CYP7B1: variants seen among roughly 807,000 people sequenced by gnomAD.
CYP7B1 encodes the protein cytochrome P450 7B1.
CYP7B1 carries 29 observed loss-of-function variants against 42.7 expected under a neutral mutation model. The observed-to-expected ratio is 0.68, with a 90% CI of 0.51 to 0.93. The LOEUF is 0.93. CYP7B1 is among the 40% of genes least tolerant of loss of function. CYP7B1 has a pLI of 0.00. For synonymous variants in CYP7B1, 235 were observed against 218.2 expected (o/e 1.08, Z -0.68); for missense variants, 655 against 600.5 (o/e 1.09, Z -0.95).
At chr8:64,750,077 C>T (rs1002434900) in intron 1 of CYP7B1, among the ~76,000 whole-genome samples, 1 of 152,170 alleles carries the variant, frequency 6.6e-6, no homozygotes, top group Non-Finnish European at 1.5e-5. Context: ...TGTAATGATA[C>T]TCCAGGAAAA....
intron 1 of CYP7B1, among the ~76,000 whole-genome samples, chr8:64,738,474 C>T (rs1464744507): frequency 6.6e-6 from 1 of 151,986 alleles, no homozygotes; most frequent in African/African-American, 2.4e-5. Flanking sequence ...AGTGTTTGAT[C>T]ACTGATTTAA....
chr8:64,755,877 G>T (rs573121635), intron 1 of CYP7B1, among the ~76,000 whole-genome samples: 9 of 152,200 alleles, frequency 5.9e-5, no homozygotes, highest in African/African-American at 2.2e-4. Flanking sequence ...TCACTTAATT[G>T]GAATTCTAAG....
intron 1 of CYP7B1, among the ~76,000 whole-genome samples, chr8:64,788,828 T>C (rs1405308063): frequency 6.6e-6 from 1 of 152,214 alleles, no homozygotes; most frequent in Non-Finnish European, 1.5e-5. Flanking sequence ...CTGTAGAATA[T>C]ACAGTGTCTT....
chr8:64,620,442 G>T (rs988453118), intron 2 of CYP7B1, among the ~76,000 whole-genome samples: 1 of 152,112 alleles, frequency 6.6e-6, no homozygotes, highest in Non-Finnish European at 1.5e-5. Context: ...TAGGGAAAAC[G>T]ATTCCACTGC....
At position 64,727,585 on chromosome 8, in the gene CYP7B1, A is replaced by G. The variant is rs551780006; in HGVS notation, c.122+70881T>C. Among the ~76,000 whole-genome samples the G allele has an allele frequency of 2.6e-3, 390 of 152,350 alleles. 1 individual carries two copies. Among genetic ancestry groups the G allele is most frequent in the Non-Finnish European group, 4.3e-3 (290 of 68,026 alleles). ...GCCACCGCATCTGTCCCAGTACTGC[A>G]TTCTTCTAAACTGAAAAGGACTATA... On this transcript the variant is annotated intron_variant, in intron 1 of 5. Coordinates refer to ENST00000310193, the MANE Select transcript of CYP7B1 (RefSeq NM_004820.5).
At chr8:64,657,163 A>G (rs1806133079) in intron 1 of CYP7B1, among the ~76,000 whole-genome samples, 1 of 152,106 alleles carries the variant, frequency 6.6e-6, no homozygotes, top group Admixed American at 6.5e-5. Flanking sequence ...AAGCAGATAA[A>G]ACAAGTATCT....
intron 1 of CYP7B1, among the ~76,000 whole-genome samples, chr8:64,652,364 G>A (rs13251754): frequency 0.11 from 16,279 of 152,116 alleles, 1,152 homozygotes; most frequent in Non-Finnish European, 0.16. Context: ...AAAAACAACA[G>A]AATATACATT....
chr8:64,737,655 A>G (rs1171824003), intron 1 of CYP7B1, among the ~76,000 whole-genome samples: 1 of 152,152 alleles, frequency 6.6e-6, no homozygotes, highest in Admixed American at 6.5e-5. Flanking sequence ...TTGCCTGAAA[A>G]TATACCTCCT....
intron 1 of CYP7B1, among the ~76,000 whole-genome samples, chr8:64,738,978 C>A (rs545682794): frequency 1.1e-4 from 16 of 152,300 alleles, no homozygotes; most frequent in African/African-American, 3.9e-4. Context: ...AGGAACCCTG[C>A]CATGTTCTCA....
downstream of CYP7B1, among the ~76,000 whole-genome samples, chr8:64,590,319 A>G (rs1805017417): frequency 1.3e-5 from 2 of 152,242 alleles, no homozygotes; most frequent in East Asian, 3.8e-4. Flanking sequence ...TACTGTACGT[A>G]GGGTTACTAA....
chr8:64,602,880 T>A (rs1348764485), intron 5 of CYP7B1, among the ~76,000 whole-genome samples: 2 of 152,240 alleles, frequency 1.3e-5, no homozygotes, highest in African/African-American at 4.8e-5. Context: ...AGAAAATGTT[T>A]ATACAATGAA....
chr8:64,647,677 A>G (rs1209797640), intron 1 of CYP7B1, among the ~76,000 whole-genome samples: 1 of 152,168 alleles, frequency 6.6e-6, no homozygotes, highest in Admixed American at 6.5e-5. Context: ...GCAATGTCCC[A>G]GCTGAAACAG....
At chr8:64,604,557 T>A in intron 5 of CYP7B1, 125 bp downstream of exon 5, 1 of 951,060 alleles carries the variant, frequency 1.1e-6, no homozygotes, top group Non-Finnish European at 1.7e-6. Context: ...GGAGGAATAA[T>A]AGAAGCCATC....
rs1238512842 is a variant in CYP7B1 at position 64,693,665 on chromosome 8, T to C, written c.123-69126A>G. On this transcript the variant is annotated intron_variant, in intron 1 of 5. Transcript: ENST00000310193. ...GGTGAGAAAGGACCATAAAATGGAATGGATTAACAATGAACTTAGAAGGTA... is the reference window on the plus strand; with the variant it reads ...GGTGAGAAAGGACCATAAAATGGAACGGATTAACAATGAACTTAGAAGGTA... 2.6e-5 allele frequency among the ~76,000 whole-genome samples: 4 copies of C among 152,168 alleles called. No individual in the cohort carries two copies. The East Asian group carries it at 7.7e-4, about 29-fold the overall frequency.
intron 1 of CYP7B1, among the ~76,000 whole-genome samples, chr8:64,792,032 T>TG (rs1375460128): frequency 6.6e-6 from 1 of 152,310 alleles, no homozygotes; most frequent in East Asian, 1.9e-4. Flanking sequence ...TTAAAGGCAC[T>TG]GCTGGTGAAG....
intron 2 of CYP7B1, among the ~76,000 whole-genome samples, chr8:64,620,474 G>A (rs921085227): frequency 6.6e-6 from 1 of 152,150 alleles, no homozygotes; most frequent in African/African-American, 2.4e-5. Flanking sequence ...AAACCAATTA[G>A]AGAACTATTT....
intron 1 of CYP7B1, among the ~76,000 whole-genome samples, chr8:64,642,676 A>T (rs1805875460): frequency 6.6e-6 from 1 of 152,196 alleles, no homozygotes; most frequent in African/African-American, 2.4e-5. Context: ...TTGAATATCC[A>T]AATTATGGTC....
chr8:64,680,518 G>T (rs552533289), intron 1 of CYP7B1, among the ~76,000 whole-genome samples: 34 of 151,822 alleles, frequency 2.2e-4, no homozygotes, highest in African/African-American at 6.8e-4. Context: ...TGGCACTGAG[G>T]CATTGTTTCA....
rs755927858 is a variant in CYP7B1, at chr8:64,702,549, A to G, written c.123-78010T>C. On this transcript the variant is annotated intron_variant, in intron 1 of 5. Coordinates refer to ENST00000310193, the MANE Select transcript of CYP7B1 (RefSeq NM_004820.5). Reference sequence around the variant, plus strand: ...ACTTTGATAACACCAGAAACACATTATGTAGTAAAGTAACCTCCAGGAACC... The same window carrying G: ...ACTTTGATAACACCAGAAACACATTGTGTAGTAAAGTAACCTCCAGGAACC... Among the ~76,000 whole-genome samples, 4 of 152,064 alleles carry G rather than the reference A, an allele frequency of 2.6e-5. No homozygotes were observed. The South Asian group carries it at 8.3e-4, about 31-fold the overall frequency.
Sources: allele counts gnomAD v4.1 joint callset (sites outside exome capture counted in the v4.1 genomes callset), GRCh38; gene constraint gnomAD v4.1.1; transcripts MANE v1.5; gene names NCBI Gene and HGNC (gene_info 2026-07-23, HGNC 2026-07-21).